CDSN: variants seen among roughly 807,000 people sequenced by gnomAD.
CDSN encodes the protein S protein.
Under a neutral mutation model 25.6 loss-of-function variants are expected in CDSN, and 11 were observed. That is an observed-to-expected ratio of 0.43 (90% confidence interval 0.27 to 0.71). The LOEUF (loss-of-function observed/expected upper bound fraction) is 0.71. Ranked by LOEUF, CDSN falls within the 30% of genes least tolerant of loss-of-function variation. CDSN has a pLI of 0.20. For missense variants in CDSN, 598 were observed against 670.9 expected (o/e 0.89, Z 1.20); for synonymous variants, 266 against 267.4 (o/e 0.99, Z 0.05).
chr6:31,115,460 G>A lies in CDSN; in HGVS notation c.*565C>T. 6.0e-6 allele frequency: 1 copy of A among 165,828 alleles called. No individual in the cohort carries two copies. The highest frequency in any genetic ancestry group is 5.5e-5 in the Admixed American group (1 of 18,142). The allele number at this position is 165,828 out of a possible 1,614,324, so 10.3% of individuals were successfully genotyped here. A position where few individuals can be genotyped will look rare whatever the true frequency, so the allele number is the denominator to read the frequency against. On this transcript the variant is annotated 3_prime_UTR_variant, in exon 2 of 2. Coordinates refer to ENST00000376288, the MANE Select transcript of CDSN (RefSeq NM_001264.5). This position sits in a 1 kb window ranked among gnomAD's most constrained non-coding sequence, Gnocchi z 4.2. ...GGGTGTGTTGGGGACGGTGATCTAG[G>A]AGGGCGTGGTGAGCTCTGTAATGGA... is the stretch of plus-strand genomic sequence containing the variant.
At position 31,117,150 on chromosome 6, in the gene CDSN, C is replaced by T. The variant is rs772883822; in HGVS notation, c.465G>A (p.Ser155=). The change falls in exon 2 of 2, where the codon TCG becomes TCA. Residue 155 remains serine, a synonymous_variant. Transcript: ENST00000376288. ...GSHSGSSSSH[S]SSSSSFQFSS... is the part of the protein sequence containing the mutation. ...TGAACTGAAAGCTGCTGCTGCTGCT[C>T]GAATGAGAGCTGCTGCTTCCCGAGT... 3 of 1,607,316 alleles carry T rather than the reference C, an allele frequency of 1.9e-6. No homozygotes were observed. In the South Asian group the frequency reaches 3.3e-5, roughly 18 times the overall value.
rs765690932 is a variant in CDSN, at chr6:31,117,160, C to G, written c.455G>C (p.Ser152Thr). 6.2e-7 allele frequency: 1 copy of G among 1,606,258 alleles called. No individual in the cohort carries two copies. The highest frequency in any genetic ancestry group is 1.1e-5 in the South Asian group (1 of 90,714). ...GCTGCTGCTGCTGCTCGAATGAGAG[C>G]TGCTGCTTCCCGAGTGAGAGCCGCT... ...GNSGSHSGSS[S>T]SHSSSSSSFQ... The change falls in exon 2 of 2, where the codon AGC becomes ACC. Residue 152 changes from serine (S) to threonine (T), a missense_variant. Ser to Thr is a moderately conservative substitution (Grantham distance 58). Coordinates refer to ENST00000376288, the MANE Select transcript of CDSN (RefSeq NM_001264.5).
chr6:31,116,100 T>C lies in CDSN; in HGVS notation c.1515A>G (p.Gln505=), dbSNP rs150111690. 66 of 1,611,966 alleles carry C rather than the reference T, an allele frequency of 4.1e-5. No individual in the cohort carries two copies. In the Middle Eastern group the frequency reaches 1.7e-3, roughly 41 times the overall value. Residue 505 remains glutamine, a synonymous_variant, in exon 2 of 2, where the codon CAA becomes CAG. Coordinates refer to ENST00000376288, the MANE Select transcript of CDSN (RefSeq NM_001264.5). ...CTAGCTGGGGCCCCAGAGGCTTCAC[T>C]TGGGCTAGGATATCCCGGATGGAGC... ...PCRSIRDILA[Q]VKPLGPQLAD... is the part of the protein sequence containing the mutation.
chr6:31,116,833 C>G lies in CDSN; in HGVS notation c.782G>C (p.Gly261Ala). The change falls in exon 2 of 2, where the codon GGT becomes GCT. Residue 261 changes from glycine (G) to alanine (A), a missense_variant. Coordinates refer to ENST00000376288, the MANE Select transcript of CDSN (RefSeq NM_001264.5). ...RPVVVVVDQH[G>A]SGAPGVVQGP... is the part of the protein sequence containing the mutation. The stretch of plus-strand genomic sequence containing the variant: ...TTGAACCACTCCAGGGGCACCAGAA[C>G]CGTGCTGGTCCACCACCACCACCAC... 6.2e-7 allele frequency: 1 copy of G among 1,614,014 alleles called. No homozygotes were observed. The highest frequency in any genetic ancestry group is 8.5e-7 in the Non-Finnish European group (1 of 1,179,958).
Position 31,116,557 on chromosome 6 carries a change from C to T in CDSN, c.1058G>A (p.Ser353Asn). 1 of 1,613,858 alleles carries T rather than the reference C, an allele frequency of 6.2e-7. No individual in the cohort carries two copies. Among genetic ancestry groups the T allele is most frequent in the Non-Finnish European group, 8.5e-7 (1 of 1,179,944 alleles). ...PPISEGKYFS[S>N]NPIIPSQSAA... ...CGACTGGCTGGGGATGATGGGGTTGCTGGAGAAGTATTTGCCCTCAGAGAT... is the reference window on the plus strand; with the variant it reads ...CGACTGGCTGGGGATGATGGGGTTGTTGGAGAAGTATTTGCCCTCAGAGAT... The change falls in exon 2 of 2, where the codon AGC becomes AAC. Residue 353 changes from serine (S) to asparagine (N), a missense_variant. By Grantham distance (46) the Ser-to-Asn change is conservative. Transcript: ENST00000376288.
chr6:31,117,436 C>T lies in CDSN; in HGVS notation c.179G>A (p.Gly60Asp). ...SPNDPCLTGK[G>D]DSSGFSSYSG... ...GTAGCTACTGAAACCGCTGGAGTCA[C>T]CCTTCCCAGTGAGGCAGGGGTCGTT... The change falls in exon 2 of 2, where the codon GGT (glycine) becomes GAT (aspartate). Residue 60 changes from glycine to aspartate, a missense_variant. Transcript: ENST00000376288. The T allele has an allele frequency of 6.4e-7, 1 of 1,559,460 alleles. No homozygotes were observed. The highest frequency in any genetic ancestry group is 8.7e-7 in the Non-Finnish European group (1 of 1,151,824).
rs9501052 is a variant in CDSN, at chr6:31,115,425, G to A, written c.*600C>T. On this transcript the variant is annotated 3_prime_UTR_variant, in exon 2 of 2. Transcript: ENST00000376288. The surrounding 1 kb of genome is among the most constrained non-coding windows in gnomAD (Gnocchi z 4.2). ...AGGAAGGGGCTGAGATAAGGGCCTT[G>A]AGAGGCAATGGGTGTGTTGGGGACG... 0.019 allele frequency: 3,298 copies of A among 170,258 alleles called. 106 individuals are homozygous for A. Among genetic ancestry groups the A allele is most frequent in the African/African-American group, 0.073 (3,035 of 41,650 alleles). The allele number at this position is 170,258 out of a possible 1,614,324, so 10.5% of individuals were successfully genotyped here. A position where few individuals can be genotyped will look rare whatever the true frequency, so the allele number is the denominator to read the frequency against.
chr6:31,117,228 G>C lies in CDSN; in HGVS notation c.387C>G (p.Ser129=). ...SGSGSSLQGA[S]GSSQLGSSSS... ...TGCTGCTCCCCAGCTGGGAGGAACC[G>C]GATGCACCTTGTAGACTAGAGCCAG... is the stretch of plus-strand genomic sequence containing the variant. The change falls in exon 2 of 2, where the codon TCC becomes TCG. Residue 129 remains serine, a synonymous_variant. Coordinates refer to ENST00000376288, the MANE Select transcript of CDSN (RefSeq NM_001264.5). 6.2e-7 allele frequency: 1 copy of C among 1,613,540 alleles called. No individual in the cohort carries two copies. Among genetic ancestry groups the C allele is most frequent in the Non-Finnish European group, 8.5e-7 (1 of 1,179,862 alleles).
intron 1 of CDSN, among the ~76,000 whole-genome samples, chr6:31,119,979 G>T (rs1201996524): frequency 6.6e-6 from 1 of 151,958 alleles, no homozygotes; most frequent in Non-Finnish European, 1.5e-5. Flanking sequence ...CATATAAAAA[G>T]GCTCTAAAAA....
In CDSN at chr6:31,116,868, A is replaced by G; in HGVS notation, c.747T>C (p.Gly249=). The stretch of plus-strand genomic sequence containing the variant: ...CCACCACCACCACCACAGGCCTCTG[A>G]CCCCCTGACACAGAGTGGGAGCTGG... ...YIPSSHSVSG[G]QRPVVVVVDQ... is the part of the protein sequence containing the mutation. The change falls in exon 2 of 2, where the codon GGT becomes GGC. Residue 249 remains glycine, a synonymous_variant. Coordinates refer to ENST00000376288, the MANE Select transcript of CDSN (RefSeq NM_001264.5). 1 of 1,613,268 alleles carries G rather than the reference A, an allele frequency of 6.2e-7. No homozygotes were observed. The highest frequency in any genetic ancestry group is 8.5e-7 in the Non-Finnish European group (1 of 1,179,786).
In CDSN at chr6:31,116,657, G is replaced by C. The variant is rs963301016; in HGVS notation, c.958C>G (p.Pro320Ala). The change falls in exon 2 of 2, where the codon CCT (proline) becomes GCT (alanine). Residue 320 changes from proline to alanine, a missense_variant. Coordinates refer to ENST00000376288, the MANE Select transcript of CDSN (RefSeq NM_001264.5). ...GMTYSKGKIY[P>A]VGYFTKENPV... is the part of the protein sequence containing the mutation. Reference sequence around the variant, plus strand: ...TTCTCTTTGGTGAAGTAGCCCACAGGGTAGATTTTACCCTTACTGTAGGTC... The same window carrying C: ...TTCTCTTTGGTGAAGTAGCCCACAGCGTAGATTTTACCCTTACTGTAGGTC... The C allele has an allele frequency of 6.2e-7, 1 of 1,612,724 alleles. No individual in the cohort carries two copies. Among genetic ancestry groups the C allele is most frequent in the African/African-American group, 1.3e-5 (1 of 74,918 alleles).
chr6:31,119,107 A>G (rs3132548), intron 1 of CDSN, among the ~76,000 whole-genome samples: 118,885 of 151,880 alleles, frequency 0.78, 47,157 homozygotes, highest in African/African-American at 0.9. Flanking sequence ...GCCTCCTGAA[A>G]TGTTGGGATT....
chr6:31,117,150 C>G lies in CDSN; in HGVS notation c.465G>C (p.Ser155=). 6.2e-7 allele frequency: 1 copy of G among 1,607,316 alleles called. No individual in the cohort carries two copies. Among genetic ancestry groups the G allele is most frequent in the East Asian group, 2.2e-5 (1 of 44,730 alleles). ...TGAACTGAAAGCTGCTGCTGCTGCTCGAATGAGAGCTGCTGCTTCCCGAGT... is the reference window on the plus strand; with the variant it reads ...TGAACTGAAAGCTGCTGCTGCTGCTGGAATGAGAGCTGCTGCTTCCCGAGT... ...GSHSGSSSSH[S]SSSSSFQFSS... Residue 155 remains serine, a synonymous_variant, in exon 2 of 2, where the codon TCG becomes TCC. Transcript: ENST00000376288.
In CDSN at chr6:31,116,148, G is replaced by C. The variant is rs909107761; in HGVS notation, c.1467C>G (p.Ser489Arg). Residue 489 changes from serine (S) to arginine (R), a missense_variant, in exon 2 of 2, where the codon AGC (serine) becomes AGG (arginine). Transcript: ENST00000376288. ...AGCGGCAGGGGATCTTTCCAGCACT[G>C]CTGGAGCCACAGGGCTTGGCACCAG... ...PSAGAKPCGS[S>R]SAGKIPCRSI... The C allele has an allele frequency of 4.3e-6, 7 of 1,611,140 alleles. No individual in the cohort carries two copies. The highest frequency in any genetic ancestry group is 1.1e-5 in the South Asian group (1 of 91,010).
Position 31,117,469 on chromosome 6 carries a change from G to T in CDSN, c.146C>A (p.Thr49Asn). ...AGTGAGGCAGGGGTCGTTAGGGGAGGTGATACGCGTGGGGTCCTTACAAGG... is the reference window on the plus strand; with the variant it reads ...AGTGAGGCAGGGGTCGTTAGGGGAGTTGATACGCGTGGGGTCCTTACAAGG... ...SDPCKDPTRI[T>N]SPNDPCLTGK... Residue 49 changes from threonine to asparagine, a missense_variant, in exon 2 of 2, where the codon ACC (threonine) becomes AAC (asparagine). Transcript: ENST00000376288. 6.4e-7 allele frequency: 1 copy of T among 1,553,590 alleles called. No individual in the cohort carries two copies. Among genetic ancestry groups the T allele is most frequent in the Non-Finnish European group, 8.7e-7 (1 of 1,148,590 alleles).
chr6:31,116,965 G>C lies in CDSN; in HGVS notation c.650C>G (p.Pro217Arg), dbSNP rs1225454437. The C allele has an allele frequency of 6.2e-7, 1 of 1,614,092 alleles. No homozygotes were observed. The highest frequency in any genetic ancestry group is 8.5e-7 in the Non-Finnish European group (1 of 1,180,034). ...AGAGTCGGGGATGTCCGAACTACAG[G>C]GACGCTGGTTGGAGCTGACGCTTTG... ...SGQSVSSNQR[P>R]CSSDIPDSPC... is the part of the protein sequence containing the mutation. The change falls in exon 2 of 2, where the codon CCC becomes CGC. Residue 217 changes from proline (P) to arginine (R), a missense_variant. By Grantham distance (103) the Pro-to-Arg change is moderately radical. Transcript: ENST00000376288.
At position 31,116,674 on chromosome 6, in the gene CDSN, C is replaced by T; in HGVS notation, c.941G>A (p.Ser314Asn). Residue 314 changes from serine (S) to asparagine (N), a missense_variant, in exon 2 of 2, where the codon AGT becomes AAT. Coordinates refer to ENST00000376288, the MANE Select transcript of CDSN (RefSeq NM_001264.5). ...GCCCACAGGGTAGATTTTACCCTTACTGTAGGTCATGCCTGGAACCAGATA... is the reference window on the plus strand; with the variant it reads ...GCCCACAGGGTAGATTTTACCCTTATTGTAGGTCATGCCTGGAACCAGATA... ...DSYLVPGMTY[S>N]KGKIYPVGYF... 1 of 1,612,756 alleles carries T rather than the reference C, an allele frequency of 6.2e-7. No homozygotes were observed. Among genetic ancestry groups the T allele is most frequent in the Non-Finnish European group, 8.5e-7 (1 of 1,180,024 alleles).
chr6:31,115,583 T>G lies in CDSN; in HGVS notation c.*442A>C. ...GTGAAAAGTGGCCACTGTTTCCAGA[T>G]GATGGTTTGACTTTGCTTTATTTGG... On this transcript the variant is annotated 3_prime_UTR_variant, in exon 2 of 2. Transcript: ENST00000376288. The surrounding 1 kb of genome is among the most constrained non-coding windows in gnomAD (Gnocchi z 4.2). The G allele has an allele frequency of 5.5e-6, 1 of 182,168 alleles. No individual in the cohort carries two copies. 11.3% of individuals were successfully genotyped at this position (182,168 alleles called of 1,614,324 possible).
rs750463088 is a variant in CDSN, at chr6:31,116,855, C to T, written c.760G>A (p.Val254Met). The T allele has an allele frequency of 1.7e-5, 28 of 1,613,998 alleles. No homozygotes were observed. Among genetic ancestry groups the T allele is most frequent in the Non-Finnish European group, 2.4e-5 (28 of 1,179,994 alleles). Residue 254 changes from valine to methionine, a missense_variant, in exon 2 of 2, where the codon GTG becomes ATG. By Grantham distance (21) the Val-to-Met change is conservative (BLOSUM62 1). Coordinates refer to ENST00000376288, the MANE Select transcript of CDSN (RefSeq NM_001264.5). Reference sequence around the variant, plus strand: ...GAACCGTGCTGGTCCACCACCACCACCACAGGCCTCTGACCCCCTGACACA... The same window carrying T: ...GAACCGTGCTGGTCCACCACCACCATCACAGGCCTCTGACCCCCTGACACA... ...HSVSGGQRPV[V>M]VVVDQHGSGA...
Sources: allele counts gnomAD v4.1 joint callset (sites outside exome capture counted in the v4.1 genomes callset), GRCh38; gene constraint gnomAD v4.1.1; non-coding constraint Gnocchi (gnomAD v3.1); transcripts MANE v1.5; gene names NCBI Gene and HGNC (gene_info 2026-07-23, HGNC 2026-07-21).